YAP1: variants seen among roughly 807,000 people sequenced by gnomAD.
YAP1 encodes transcriptional coactivator YAP1.
Under a neutral mutation model 56.9 loss-of-function variants are expected in YAP1, and 5 were observed. The observed-to-expected ratio is 0.09, with a 90% CI of 0.05 to 0.18. The LOEUF is 0.18. Among genes scored for constraint, YAP1 ranks in the 10% least tolerant of loss-of-function variants. The pLI, the probability that YAP1 is intolerant of heterozygous loss-of-function variation, is 1.00. For missense variants in YAP1, 539 were observed against 651.8 expected (o/e 0.83, Z 1.88); for synonymous variants, 265 against 248.1 (o/e 1.07, Z -0.64).
intron 3 of YAP1, among the ~76,000 whole-genome samples, chr11:102,165,777 A>C (rs1290043783): frequency 1.3e-5 from 2 of 152,138 alleles, no homozygotes; most frequent in Non-Finnish European, 2.9e-5. Flanking sequence ...AGGATAACTG[A>C]CAGATAGGAT....
chr11:102,213,590 T>G (rs1949522083), intron 6 of YAP1, among the ~76,000 whole-genome samples: 1 of 152,194 alleles, frequency 6.6e-6, no homozygotes, highest in South Asian at 2.1e-4. Flanking sequence ...TCAGTAGCCT[T>G]TTCACTCACT....
At chr11:102,132,202 C>G (rs1261495081) in intron 2 of YAP1, among the ~76,000 whole-genome samples, 1 of 152,166 alleles carries the variant, frequency 6.6e-6, no homozygotes, top group Admixed American at 6.5e-5. Context: ...TAGCATGGGT[C>G]AGATACTACT....
intron 3 of YAP1, among the ~76,000 whole-genome samples, chr11:102,165,140 G>C (rs113822390): frequency 0.049 from 7,431 of 151,738 alleles, 600 homozygotes; most frequent in African/African-American, 0.17. Flanking sequence ...GGGAGGATCA[G>C]TTGAGCCCAG....
At chr11:102,150,506 C>T (rs1286233945) in intron 2 of YAP1, among the ~76,000 whole-genome samples, 1 of 152,062 alleles carries the variant, frequency 6.6e-6, no homozygotes, top group Non-Finnish European at 1.5e-5. Context: ...CCAATTAAGC[C>T]TGCATTATAT....
chr11:102,206,848 A>G (rs142661033), intron 5 of YAP1, among the ~76,000 whole-genome samples: 1 of 152,322 alleles, frequency 6.6e-6, no homozygotes, highest in East Asian at 1.9e-4. Flanking sequence ...TCTCAAAAAC[A>G]AAAAGTTATC....
chr11:102,169,637 C>T (rs1426393), intron 3 of YAP1, among the ~76,000 whole-genome samples: 136,539 of 152,224 alleles, frequency 0.9, 63,078 homozygotes, highest in East Asian at 1. Flanking sequence ...AATAAAAACA[C>T]TTATTTTTTT....
chr11:102,181,688 G>T (rs1947634707), intron 3 of YAP1, among the ~76,000 whole-genome samples: 1 of 152,178 alleles, frequency 6.6e-6, no homozygotes, highest in African/African-American at 2.4e-5. Flanking sequence ...ACGTGACTGT[G>T]TACTATTCCC....
chr11:102,131,945 C>T (rs1042460099), intron 2 of YAP1, among the ~76,000 whole-genome samples: 2 of 151,966 alleles, frequency 1.3e-5, no homozygotes, highest in Non-Finnish European at 2.9e-5. Context: ...TGATGAAACC[C>T]TGTCTCTACT....
chr11:102,215,626 C>G (rs1949620792), intron 6 of YAP1, among the ~76,000 whole-genome samples: 1 of 152,146 alleles, frequency 6.6e-6, no homozygotes, highest in Non-Finnish European at 1.5e-5. Context: ...GAGGCGCACA[C>G]CACCACCCCC....
At chr11:102,217,015 G>A (rs771500602) in intron 6 of YAP1, among the ~76,000 whole-genome samples, 2 of 152,262 alleles carry the variant, frequency 1.3e-5, no homozygotes, top group South Asian at 2.1e-4. Flanking sequence ...AGCTATCTAC[G>A]CTGTAAGTAA....
chr11:102,201,416 A>G (rs1281458506), intron 4 of YAP1, among the ~76,000 whole-genome samples: 1 of 152,188 alleles, frequency 6.6e-6, no homozygotes, highest in Admixed American at 6.5e-5. Context: ...TGGAGGTAGG[A>G]GGAAGCGGGT....
chr11:102,211,486 T>G (rs1442353079), intron 6 of YAP1, among the ~76,000 whole-genome samples: 2 of 152,230 alleles, frequency 1.3e-5, no homozygotes, highest in African/African-American at 2.4e-5. Flanking sequence ...GTTTGTTATA[T>G]ATGCTTTAGT....
At chr11:102,189,441 C>G (rs1286464781) in intron 4 of YAP1, among the ~76,000 whole-genome samples, 1 of 152,032 alleles carries the variant, frequency 6.6e-6, no homozygotes, top group Non-Finnish European at 1.5e-5. Flanking sequence ...AATATTGTTA[C>G]CAATCTGTGT....
chr11:102,152,338 T>A (rs1945703815), intron 2 of YAP1, among the ~76,000 whole-genome samples: 1 of 152,214 alleles, frequency 6.6e-6, no homozygotes, highest in South Asian at 2.1e-4. Flanking sequence ...TAATCATAGA[T>A]GCTCTTCTAC....
chr11:102,169,361 T>C (rs895514375), intron 3 of YAP1, among the ~76,000 whole-genome samples: 3 of 152,352 alleles, frequency 2.0e-5, no homozygotes, highest in Middle Eastern at 3.4e-3. Context: ...TTTGAAGTTA[T>C]GTTTATCTCT....
chr11:102,132,337 T>TGAC (rs376458116), intron 2 of YAP1, among the ~76,000 whole-genome samples: 11 of 152,372 alleles, frequency 7.2e-5, no homozygotes, highest in African/African-American at 2.4e-4. Flanking sequence ...CCACCTTGAA[T>TGAC]GACATTGCAT....
intron 6 of YAP1, among the ~76,000 whole-genome samples, chr11:102,215,341 A>G (rs1045949246): frequency 1.2e-4 from 18 of 152,224 alleles, no homozygotes; most frequent in Admixed American, 2.0e-4. Flanking sequence ...CCCTCCCTGC[A>G]AAAACCCCTT....
chr11:102,196,563 A>G (rs1053820673), intron 4 of YAP1, among the ~76,000 whole-genome samples: 1 of 151,854 alleles, frequency 6.6e-6, no homozygotes, highest in African/African-American at 2.4e-5. Flanking sequence ...ACTGGGAGGA[A>G]GGGCAGTAGG....
chr11:102,166,530 T>C (rs1946620574), intron 3 of YAP1, among the ~76,000 whole-genome samples: 1 of 152,178 alleles, frequency 6.6e-6, no homozygotes, highest in Admixed American at 6.5e-5. Flanking sequence ...CAAGGACAAC[T>C]GTGAGAGCAT....
Sources: allele counts gnomAD v4.1 joint callset (sites outside exome capture counted in the v4.1 genomes callset), GRCh38; gene constraint gnomAD v4.1.1; transcripts MANE v1.5; gene names NCBI Gene and HGNC (gene_info 2026-07-23, HGNC 2026-07-21).